The following XKR9 variants were observed in gnomAD, a reference collection of about 807,000 sequenced individuals.
XKR9 encodes the protein XK-related protein 9.
A neutral mutation model predicts 32.0 loss-of-function variants in XKR9; 32 were observed. That is an observed-to-expected ratio of 1.00 (90% CI 0.76 to 1.34). XKR9 has a LOEUF of 1.34. Among genes scored for constraint, XKR9 ranks in the 40% most tolerant of loss-of-function variants. The pLI is 0.00. For missense variants in XKR9, 546 were observed against 429.7 expected (o/e 1.27, Z -2.39); for synonymous variants, 168 against 143.4 (o/e 1.17, Z -1.22).
intron 2 of XKR9, among the ~76,000 whole-genome samples, chr8:70,785,500 TTTTA>T (rs140848822): frequency 0.072 from 10,895 of 151,258 alleles, 459 homozygotes; most frequent in Non-Finnish European, 0.088. Context: ...CTAGTCTCCA[TTTTA>T]TTTATTTCTC....
chr8:70,742,539 G>T (rs140432194), intron 2 of XKR9, among the ~76,000 whole-genome samples: 1 of 152,134 alleles, frequency 6.6e-6, no homozygotes, highest in Non-Finnish European at 1.5e-5. Flanking sequence ...TTTCTCTTCA[G>T]CCTAGATAAT....
intron 2 of XKR9, among the ~76,000 whole-genome samples, chr8:70,772,061 A>T (rs934841168): frequency 1.3e-5 from 2 of 152,200 alleles, no homozygotes; most frequent in Admixed American, 6.5e-5. Context: ...TTTATTTGAG[A>T]TGGTCCATCC....
the XKR9 span, among the ~76,000 whole-genome samples, chr8:70,855,003 A>G: frequency 1.3e-5 from 2 of 152,126 alleles, no homozygotes; most frequent in South Asian, 2.1e-4. Flanking sequence ...TTGGCAATGC[A>G]GGCTCTTTTT....
chr8:70,709,638 A>AT (rs1172114069), intron 4 of XKR9, among the ~76,000 whole-genome samples: 3 of 152,114 alleles, frequency 2.0e-5, no homozygotes, highest in African/African-American at 4.8e-5. Flanking sequence ...AAACAGTAGC[A>AT]TTTTTTTACA....
chr8:70,787,591 C>T (rs528479019), intron 2 of XKR9, among the ~76,000 whole-genome samples: 9 of 152,138 alleles, frequency 5.9e-5, no homozygotes, highest in East Asian at 1.9e-4. Context: ...GATAAACTTA[C>T]GTAACAGTGC....
the XKR9 span, among the ~76,000 whole-genome samples, chr8:71,048,346 C>T: frequency 1.3e-5 from 2 of 152,246 alleles, no homozygotes; most frequent in African/African-American, 2.4e-5. Flanking sequence ...TAGAGCTGAG[C>T]CTCCCTTAGT....
the XKR9 span, among the ~76,000 whole-genome samples, chr8:70,973,756 G>A: frequency 6.6e-6 from 1 of 152,144 alleles, no homozygotes; most frequent in Admixed American, 6.6e-5. Flanking sequence ...TAATTTCCAT[G>A]TATTTGTATA....
the XKR9 span, among the ~76,000 whole-genome samples, chr8:70,964,741 C>G: frequency 6.6e-6 from 1 of 152,028 alleles, no homozygotes; most frequent in East Asian, 1.9e-4. Flanking sequence ...CATGATTTGG[C>G]TCTCTGCTTG....
the XKR9 span, among the ~76,000 whole-genome samples, chr8:70,945,946 C>T: frequency 1.3e-5 from 2 of 152,076 alleles, no homozygotes. Context: ...ACCATCGTGG[C>T]CAACATGGTG....
chr8:70,903,171 C>A, the XKR9 span, among the ~76,000 whole-genome samples: 2 of 151,862 alleles, frequency 1.3e-5, no homozygotes, highest in Admixed American at 1.3e-4. Context: ...AGTTAGGGAG[C>A]ATTCTCTCTT....
At chr8:70,727,479 C>T (rs1031754434) in intron 4 of XKR9, among the ~76,000 whole-genome samples, 1 of 152,044 alleles carries the variant, frequency 6.6e-6, no homozygotes, top group Admixed American at 6.5e-5. Flanking sequence ...TGGCTCACTG[C>T]AACCTCCGCC....
the XKR9 span, among the ~76,000 whole-genome samples, chr8:71,024,920 A>G: frequency 6.6e-6 from 1 of 152,200 alleles, no homozygotes; most frequent in African/African-American, 2.4e-5. Flanking sequence ...TTTGTGGAGG[A>G]GACAGAGTCC....
At chr8:70,706,827 C>A in intron 3 of XKR9, 106 bp from the exon 4 acceptor site, 1 of 945,522 alleles carries the variant, frequency 1.1e-6, no homozygotes, top group Non-Finnish European at 1.5e-6. Flanking sequence ...TGTGGAAAAA[C>A]TGTGTACTTA....
At chr8:70,940,738 T>A in the XKR9 span, among the ~76,000 whole-genome samples, 1 of 152,112 alleles carries the variant, frequency 6.6e-6, no homozygotes, top group Non-Finnish European at 1.5e-5. Context: ...TATTATATTA[T>A]TAAATGATCA....
intron 2 of XKR9, among the ~76,000 whole-genome samples, chr8:70,772,335 C>T (rs375489280): frequency 3.3e-5 from 5 of 152,138 alleles, no homozygotes; most frequent in African/African-American, 4.8e-5. Flanking sequence ...AAAAGATGCA[C>T]CTCTCTTTTT....
At chr8:70,918,621 A>T in the XKR9 span, among the ~76,000 whole-genome samples, 1 of 151,932 alleles carries the variant, frequency 6.6e-6, no homozygotes, top group Admixed American at 6.6e-5. Context: ...GTTTCCTAGG[A>T]GGCAGAGATT....
the XKR9 span, among the ~76,000 whole-genome samples, chr8:71,037,000 C>T: frequency 1.3e-5 from 2 of 151,878 alleles, no homozygotes; most frequent in Admixed American, 6.6e-5. Flanking sequence ...AGGCATGAGC[C>T]ACCACGCCTG....
the XKR9 span, among the ~76,000 whole-genome samples, chr8:70,841,656 C>G: frequency 7.9e-5 from 12 of 152,260 alleles, no homozygotes; most frequent in African/African-American, 2.9e-4. Flanking sequence ...GTTTTAGGGT[C>G]ACAGATCAGT....
the XKR9 span, among the ~76,000 whole-genome samples, chr8:70,805,950 A>G: frequency 0.95 from 144,105 of 152,234 alleles, 68,249 homozygotes; most frequent in East Asian, 1. Flanking sequence ...CACCAAACTG[A>G]GTGAGACCTT....
Sources: gnomAD v4.1 joint callset for allele counts (sites outside exome capture counted in the v4.1 genomes callset) on GRCh38, gnomAD v4.1.1 for gene constraint, MANE v1.5 for transcripts, NCBI Gene and HGNC (gene_info 2026-07-23, HGNC 2026-07-21) for gene names.